CCN6: variants seen among roughly 807,000 people sequenced by gnomAD.
CCN6 encodes the protein CCN family member 6.
Under a neutral mutation model 37.4 loss-of-function variants are expected in CCN6, and 31 were observed. The observed-to-expected ratio is 0.83, with a 90% CI of 0.62 to 1.12. CCN6 has a LOEUF of 1.12. Among genes scored for constraint, CCN6 ranks in the 50% most tolerant of loss-of-function variants. CCN6 has a pLI of 0.00. For synonymous variants in CCN6, 137 were observed against 142.1 expected (o/e 0.96, Z 0.26); for missense variants, 369 against 413.8 (o/e 0.89, Z 0.94).
chr6:112,060,851 G>T (rs1562595031), intron 1 of CCN6, 140 bp from the exon 2 acceptor site: 2 of 976,078 alleles, frequency 2.0e-6, no homozygotes, highest in South Asian at 1.5e-5. Flanking sequence ...GAGAGTAATT[G>T]TGTCAAATGC....
At position 112,064,659 on chromosome 6, in the gene CCN6, C is replaced by G. The variant is rs587704151; in HGVS notation, c.347-96C>G. On this transcript the variant is annotated intron_variant, in intron 2 of 4. Coordinates refer to ENST00000368666, the MANE Select transcript of CCN6 (RefSeq NM_198239.2). ...AAGAGGTTGAGAGCTATACTTCATACAGGAGATGATCCGTTTCTTCTTAGG... is the reference window on the plus strand; with the variant it reads ...AAGAGGTTGAGAGCTATACTTCATAGAGGAGATGATCCGTTTCTTCTTAGG... 3.2e-6 allele frequency: 5 copies of G among 1,572,858 alleles called. No individual in the cohort carries two copies. The African/African-American group carries it at 5.4e-5, about 17-fold the overall frequency.
rs146616528 is a variant in CCN6 at position 112,056,766 on chromosome 6, C to A, written c.48+2361C>A. 8.7e-3 allele frequency among the ~76,000 whole-genome samples: 1,318 copies of A among 152,304 alleles called. 14 individuals are homozygous for A. Among genetic ancestry groups the A allele is most frequent in the African/African-American group, 0.03 (1,259 of 41,566 alleles). On this transcript the variant is annotated intron_variant, in intron 1 of 4. Coordinates refer to ENST00000368666, the MANE Select transcript of CCN6 (RefSeq NM_198239.2). ...TCCCCGCCTCAAGTGATCCACCTGC[C>A]TCGGCATCCCAAAGTGCTGGGATTA... is the stretch of plus-strand genomic sequence containing the variant.
intron 1 of CCN6, among the ~76,000 whole-genome samples, chr6:112,055,413 G>A (rs1224865765): frequency 6.6e-6 from 1 of 152,082 alleles, no homozygotes; most frequent in African/African-American, 2.4e-5. Flanking sequence ...AGAGAGATGT[G>A]TACAAAATAA....
At chr6:112,065,474 C>T (rs1776651186) in intron 3 of CCN6, among the ~76,000 whole-genome samples, 1 of 152,132 alleles carries the variant, frequency 6.6e-6, no homozygotes, top group Non-Finnish European at 1.5e-5. Flanking sequence ...ATATTTTGAA[C>T]TTGTAAATAT....
At chr6:112,060,884 T>G (rs1776493794) in intron 1 of CCN6, 107 bp from the exon 2 acceptor site, 1 of 1,312,048 alleles carries the variant, frequency 7.6e-7, no homozygotes. Context: ...TTATAATGAT[T>G]GTAACTCACC....
At chr6:112,053,441 C>T (rs369382849), upstream of CCN6, among the ~76,000 whole-genome samples, 535 of 151,316 alleles carry the variant, frequency 3.5e-3, 4 homozygotes, top group East Asian at 0.04. Flanking sequence ...GGATTACAGG[C>T]GCCTGCCACC....
chr6:112,061,371 T>C (rs1195533449), intron 2 of CCN6, 83 bp downstream of exon 2: 21 of 1,589,564 alleles, frequency 1.3e-5, no homozygotes, highest in Non-Finnish European at 1.7e-6. Flanking sequence ...CTTGGAGTGA[T>C]CAGCTTAGTT....
intron 4 of CCN6, 46 bp from the exon 5 acceptor site, chr6:112,069,293 T>C (rs1776802589): frequency 1.9e-6 from 3 of 1,585,684 alleles, no homozygotes; most frequent in South Asian, 2.2e-5. Flanking sequence ...TTCAAAACTA[T>C]TGTAATAAAA....
chr6:112,053,256 A>T (rs919426402), upstream of CCN6, among the ~76,000 whole-genome samples: 1 of 151,880 alleles, frequency 6.6e-6, no homozygotes, highest in Non-Finnish European at 1.5e-5. Context: ...GGAGGTGAGT[A>T]TGAAGAAGAG....
chr6:112,062,177 T>C (rs587673183), intron 2 of CCN6, among the ~76,000 whole-genome samples: 1 of 152,334 alleles, frequency 6.6e-6, no homozygotes, highest in Admixed American at 6.5e-5. Context: ...TTGTTTATTC[T>C]CTGTGTGTCT....
At chr6:112,056,307 G>T (rs1776347154) in intron 1 of CCN6, among the ~76,000 whole-genome samples, 1 of 152,000 alleles carries the variant, frequency 6.6e-6, no homozygotes, top group African/African-American at 2.4e-5. Flanking sequence ...CCCAGAAACG[G>T]TTTTTATTTC....
intron 2 of CCN6, among the ~76,000 whole-genome samples, chr6:112,061,636 C>G (rs1431883813): frequency 6.6e-6 from 1 of 152,104 alleles, no homozygotes; most frequent in Non-Finnish European, 1.5e-5. Flanking sequence ...AATCCGAATT[C>G]GGCCTTTTCT....
At chr6:112,061,850 C>T (rs10484465) in intron 2 of CCN6, among the ~76,000 whole-genome samples, 4,305 of 152,200 alleles carry the variant, frequency 0.028, 198 homozygotes, top group African/African-American at 0.1. Context: ...TGATTCAGAC[C>T]ATCTAAACAT....
chr6:112,066,945 C>A (rs781834673), intron 3 of CCN6: 1 of 1,364,306 alleles, frequency 7.3e-7, no homozygotes, highest in South Asian at 1.1e-5. Context: ...ACACGGTAAT[C>A]TAACCTGCCT....
At chr6:112,053,640 G>A (rs1158871798), upstream of CCN6, among the ~76,000 whole-genome samples, 2 of 152,134 alleles carry the variant, frequency 1.3e-5, no homozygotes, top group Admixed American at 6.5e-5. Flanking sequence ...GCCACAAAAA[G>A]AGGCGTCTCT....
chr6:112,064,860 G>A lies in CCN6; in HGVS notation c.452G>A (p.Gly151Glu). The A allele has an allele frequency of 6.2e-7, 1 of 1,614,096 alleles. No individual in the cohort carries two copies. The highest frequency in any genetic ancestry group is 8.5e-7 in the Non-Finnish European group (1 of 1,179,974). ...TGCCTCTGTGTGAGTGGGGCCATTG[G>A]ATGCACACCTCTGTTCATACCAAAG... Reference protein sequence around the residue: ...FSCLCVSGAIGCTPLFIPKLA... With the variant: ...FSCLCVSGAIECTPLFIPKLA... Residue 151 changes from glycine (G) to glutamate (E), a missense_variant, in exon 3 of 5, where the codon GGA (glycine) becomes GAA (glutamate). Coordinates refer to ENST00000368666, the MANE Select transcript of CCN6 (RefSeq NM_198239.2).
At chr6:112,055,621 G>A (rs887158924) in intron 1 of CCN6, among the ~76,000 whole-genome samples, 2 of 148,576 alleles carry the variant, frequency 1.3e-5, no homozygotes, top group African/African-American at 5.2e-5. Context: ...ACAGAGCCTT[G>A]CTCTGTCGTT....
intron 1 of CCN6, among the ~76,000 whole-genome samples, chr6:112,060,293 G>A (rs1165285869): frequency 1.3e-5 from 2 of 152,198 alleles, no homozygotes; most frequent in Admixed American, 1.3e-4. Flanking sequence ...GAACACTCAG[G>A]AGGCTATTGT....
intron 2 of CCN6, chr6:112,061,526 C>G: frequency 1.8e-6 from 1 of 564,532 alleles, no homozygotes. Context: ...CAGTTCTTCT[C>G]AGGTAATTGC....
Sources: allele counts gnomAD v4.1 joint callset (sites outside exome capture counted in the v4.1 genomes callset), GRCh38; gene constraint gnomAD v4.1.1; transcripts MANE v1.5; gene names NCBI Gene and HGNC (gene_info 2026-07-23, HGNC 2026-07-21).